The following PIK3R5 variants were observed in gnomAD, a reference collection of about 807,000 sequenced individuals.
PIK3R5 encodes phosphoinositide 3-kinase regulatory subunit 5.
Under a neutral mutation model 94.9 loss-of-function variants are expected in PIK3R5, and 32 were observed. The observed-to-expected ratio is 0.34, with a 90% CI of 0.25 to 0.45. PIK3R5 has a LOEUF of 0.45. PIK3R5 is among the 20% of genes least tolerant of loss of function. The pLI is 1.00. For missense variants in PIK3R5, 853 were observed against 1,144.6 expected (o/e 0.75, Z 3.68); for synonymous variants, 443 against 479.4 (o/e 0.92, Z 0.99).
chr17:8,881,002 T>C lies in PIK3R5; in HGVS notation c.2398A>G (p.Ile800Val). The C allele has an allele frequency of 6.2e-7, 1 of 1,614,002 alleles. No homozygotes were observed. Among genetic ancestry groups the C allele is most frequent in the Non-Finnish European group, 8.5e-7 (1 of 1,179,850 alleles). ...ATGATCTGCACCTTGTCCACTTTGATCTGCGATGTGCTAATCTGGAAGGAA... is the reference window on the plus strand; with the variant it reads ...ATGATCTGCACCTTGTCCACTTTGACCTGCGATGTGCTAATCTGGAAGGAA... ...KGFNQISTSQ[I>V]KVDKVQIIGS... The change falls in exon 18 of 19, where the codon ATC (isoleucine) becomes GTC (valine). Residue 800 changes from isoleucine (I) to valine (V), a missense_variant. By Grantham distance (29) the Ile-to-Val change is conservative (BLOSUM62 3). Coordinates refer to ENST00000447110, the MANE Select transcript of PIK3R5 (RefSeq NM_001142633.3). This position sits in a 1 kb window ranked among gnomAD's most constrained non-coding sequence, Gnocchi z 4.8.
At chr17:8,901,512 T>G (rs1303669828) in intron 5 of PIK3R5, among the ~76,000 whole-genome samples, 3 of 152,172 alleles carry the variant, frequency 2.0e-5, no homozygotes, top group African/African-American at 7.2e-5. Flanking sequence ...TTATGAACAC[T>G]TCCAAAGAAA....
chr17:8,898,742 A>G (rs1278063332), intron 5 of PIK3R5, among the ~76,000 whole-genome samples: 2 of 152,288 alleles, frequency 1.3e-5, no homozygotes, highest in African/African-American at 4.8e-5. Flanking sequence ...CCTGCTTTTG[A>G]CCAGGAGGCT....
At chr17:8,956,340 C>A (rs2091466321) in intron 1 of PIK3R5, among the ~76,000 whole-genome samples, 1 of 146,722 alleles carries the variant, frequency 6.8e-6, no homozygotes, top group African/African-American at 2.8e-5. Context: ...CCATTGAGGT[C>A]TGAAGAGGGA....
At chr17:8,902,640 T>C (rs182415915) in intron 5 of PIK3R5, among the ~76,000 whole-genome samples, 2 of 152,284 alleles carry the variant, frequency 1.3e-5, no homozygotes, top group East Asian at 3.9e-4. Flanking sequence ...AAGCTTTAAA[T>C]TTTATGCTTT....
intron 1 of PIK3R5, among the ~76,000 whole-genome samples, chr17:8,941,983 G>A (rs989718596): frequency 3.9e-5 from 6 of 152,186 alleles, no homozygotes; most frequent in Non-Finnish European, 7.4e-5. Context: ...AGAATTTCCC[G>A]TTAGATGGGC....
In PIK3R5 at chr17:8,881,732, A is replaced by G. The variant is rs971987462; in HGVS notation, c.2300-20T>C. On this transcript the variant is annotated intron_variant, in intron 16 of 18. Transcript: ENST00000447110. The surrounding 1 kb of genome is among the most constrained non-coding windows in gnomAD (Gnocchi z 4.8). ...TGGAATCTGAGGGGCAAGGACACTC[A>G]GGCCAGGCTCAGAGCACCTCCCTAC... The G allele has an allele frequency of 6.2e-7, 1 of 1,613,674 alleles. No individual in the cohort carries two copies. The highest frequency in any genetic ancestry group is 8.5e-7 in the Non-Finnish European group (1 of 1,179,662).
intron 1 of PIK3R5, among the ~76,000 whole-genome samples, chr17:8,949,427 C>A (rs751292563): frequency 1.3e-5 from 2 of 152,126 alleles, no homozygotes; most frequent in Non-Finnish European, 2.9e-5. Context: ...AGAATAAAGG[C>A]ATCTCAGAGT....
At chr17:8,942,728 C>T (rs904251920) in intron 1 of PIK3R5, among the ~76,000 whole-genome samples, 1 of 152,076 alleles carries the variant, frequency 6.6e-6, no homozygotes, top group Admixed American at 6.6e-5. Flanking sequence ...GCCTCAGCCT[C>T]CTGAGTAGCT....
chr17:8,926,830 G>C (rs2090892865), intron 1 of PIK3R5, among the ~76,000 whole-genome samples: 1 of 151,868 alleles, frequency 6.6e-6, no homozygotes, highest in African/African-American at 2.4e-5. Context: ...GGTAAAAATA[G>C]GAATAATTTT....
At chr17:8,959,440 T>TGCACATGCATTCACATGTACATGTGTGC (rs1567676271) in intron 1 of PIK3R5, among the ~76,000 whole-genome samples, 2 of 145,356 alleles carry the variant, frequency 1.4e-5, no homozygotes, top group East Asian at 4.0e-4. Flanking sequence ...TGTGTGTGTG[T>TGCACATGCATTCACATGTACATGTGTGC]GCACATGCAT....
intron 1 of PIK3R5, among the ~76,000 whole-genome samples, chr17:8,929,940 C>T (rs1396062878): frequency 6.6e-6 from 1 of 152,186 alleles, no homozygotes; most frequent in Non-Finnish European, 1.5e-5. Context: ...CCAAAAACCA[C>T]CTGTACCCCA....
chr17:8,892,133 G>A lies in PIK3R5; in HGVS notation c.483-1221C>T, dbSNP rs777371249. ...TCTTGCTCTCTCAATTCCACACTGC[G>A]TTTAAACCCAGTGCAAAGGAGCACC... On this transcript the variant is annotated intron_variant, in intron 6 of 18. Coordinates refer to ENST00000447110, the MANE Select transcript of PIK3R5 (RefSeq NM_001142633.3). The surrounding 1 kb of genome is among the most constrained non-coding windows in gnomAD (Gnocchi z 4.3). Among the ~76,000 whole-genome samples the A allele has an allele frequency of 5.3e-5, 8 of 152,148 alleles. No individual in the cohort carries two copies. Among genetic ancestry groups the A allele is most frequent in the African/African-American group, 9.7e-5 (4 of 41,430 alleles).
In PIK3R5 at chr17:8,908,530, AACACACACACACACACAC is replaced by A. The variant is rs3138608; in HGVS notation, c.204+526_204+543del. Among the ~76,000 whole-genome samples the A allele has an allele frequency of 4.4e-5, 6 of 136,682 alleles. No homozygotes were observed. The East Asian group carries it at 1.1e-3, about 25-fold the overall frequency. 89.7% of individuals were successfully genotyped at this position (136,682 alleles called of 152,430 possible). ...AATCACATGTATTTAAAATAATTAA[AACACACACACACACACAC>A]ACACACACACACACACACACACACA... On this transcript the variant is annotated intron_variant, in intron 3 of 18. Coordinates refer to ENST00000447110, the MANE Select transcript of PIK3R5 (RefSeq NM_001142633.3).
At chr17:8,897,769 G>A (rs1230751972) in intron 5 of PIK3R5, among the ~76,000 whole-genome samples, 1 of 152,104 alleles carries the variant, frequency 6.6e-6, no homozygotes, top group Non-Finnish European at 1.5e-5. Flanking sequence ...TGGACATGAT[G>A]GCCAGCACTC....
chr17:8,899,886 A>G (rs1270966524), intron 5 of PIK3R5, among the ~76,000 whole-genome samples: 1 of 152,100 alleles, frequency 6.6e-6, no homozygotes, highest in Non-Finnish European at 1.5e-5. Context: ...AAAAATACAA[A>G]AATTAGCCAG....
At position 8,887,324 on chromosome 17, in the gene PIK3R5, C is replaced by G; in HGVS notation, c.1780-103G>C. On this transcript the variant is annotated intron_variant, in intron 11 of 18. Transcript: ENST00000447110. The stretch of plus-strand genomic sequence containing the variant: ...CCTGCAGCCCCATGCTGAGCTTCTC[C>G]CTGCCCTTGGGGAAGTATGACAACT... The G allele has an allele frequency of 6.7e-6, 10 of 1,494,722 alleles. No individual in the cohort carries two copies. The South Asian group carries it at 8.7e-5, about 13-fold the overall frequency. The allele number at this position is 1,494,722 out of a possible 1,614,324, so 92.6% of individuals were successfully genotyped here. A position where few individuals can be genotyped will look rare whatever the true frequency, so the allele number is the denominator to read the frequency against.
At chr17:8,949,011 A>G (rs2091328021) in intron 1 of PIK3R5, among the ~76,000 whole-genome samples, 1 of 152,120 alleles carries the variant, frequency 6.6e-6, no homozygotes, top group Non-Finnish European at 1.5e-5. Flanking sequence ...ACATTTCAGG[A>G]AGGAGGAGCT....
chr17:8,926,732 A>G (rs1331407475), intron 1 of PIK3R5, among the ~76,000 whole-genome samples: 1 of 152,194 alleles, frequency 6.6e-6, no homozygotes, highest in Non-Finnish European at 1.5e-5. Flanking sequence ...ACAATTGGAG[A>G]TGAGATTTGG....
rs940797313 is a variant in PIK3R5 at position 8,925,493 on chromosome 17, T to G, written c.-13-13986A>C. 2.7e-5 allele frequency among the ~76,000 whole-genome samples: 4 copies of G among 150,636 alleles called. No individual in the cohort carries two copies. The highest frequency in any genetic ancestry group is 4.4e-5 in the Non-Finnish European group (3 of 67,820). On this transcript the variant is annotated intron_variant, in intron 1 of 18. Coordinates refer to ENST00000447110, the MANE Select transcript of PIK3R5 (RefSeq NM_001142633.3). This position sits in a 1 kb window ranked among gnomAD's most constrained non-coding sequence, Gnocchi z 5.1. Reference sequence around the variant, plus strand: ...GATAGATAGATAGTAGATGGATAGATAGTAGATGGATAGATAGTAGATGGA... The same window carrying G: ...GATAGATAGATAGTAGATGGATAGAGAGTAGATGGATAGATAGTAGATGGA...
Sources: allele counts gnomAD v4.1 joint callset (sites outside exome capture counted in the v4.1 genomes callset), GRCh38; gene constraint gnomAD v4.1.1; non-coding constraint Gnocchi (gnomAD v3.1); transcripts MANE v1.5; gene names NCBI Gene and HGNC (gene_info 2026-07-23, HGNC 2026-07-21).